Variants in SEC23B observed in about 807,000 individuals in gnomAD.
The protein encoded by SEC23B is protein transport protein Sec23B.
SEC23B carries 77 observed loss-of-function variants against 104.3 expected under a neutral mutation model. That is an observed-to-expected ratio of 0.74 (90% CI 0.61 to 0.89). SEC23B has a LOEUF of 0.89. Among genes scored for constraint, SEC23B ranks in the 40% least tolerant of loss-of-function variants. SEC23B has a pLI of 0.00. For synonymous variants in SEC23B, 338 were observed against 332.5 expected (o/e 1.02, Z -0.18); for missense variants, 885 against 949.4 (o/e 0.93, Z 0.89).
At chr20:18,542,908 G>A in intron 13 of SEC23B, 111 bp from the exon 14 acceptor site, 1 of 1,390,320 alleles carries the variant, frequency 7.2e-7, no homozygotes, top group Non-Finnish European at 1.0e-6. Context: ...CAAAGTGTTG[G>A]GATTTCAGGA....
chr20:18,515,823 C>G (rs1275271258), intron 4 of SEC23B, 87 bp downstream of exon 4: 1 of 880,796 alleles, frequency 1.1e-6, no homozygotes, highest in Non-Finnish European at 1.9e-6. Context: ...CTTACCTGGG[C>G]AGGGGACTTA....
chr20:18,515,100 A>AC (rs920255117), intron 3 of SEC23B, among the ~76,000 whole-genome samples: 9 of 152,052 alleles, frequency 5.9e-5, no homozygotes, highest in Non-Finnish European at 1.3e-4. Flanking sequence ...ATCACTTGAA[A>AC]CCAGGAGTTC....
intron 19 of SEC23B, among the ~76,000 whole-genome samples, chr20:18,556,324 G>A (rs1568626631): frequency 6.6e-6 from 1 of 152,186 alleles, no homozygotes; most frequent in African/African-American, 2.4e-5. Flanking sequence ...ACACCATTTT[G>A]TATTAGGGAC....
At chr20:18,529,444 T>G (rs1034536752) in intron 9 of SEC23B, among the ~76,000 whole-genome samples, 1 of 152,182 alleles carries the variant, frequency 6.6e-6, no homozygotes, top group Admixed American at 6.5e-5. Flanking sequence ...AGTGTTAGTA[T>G]TAGAGTTGTG....
At chr20:18,547,807 T>C (rs1350624516) in intron 15 of SEC23B, among the ~76,000 whole-genome samples, 1 of 152,166 alleles carries the variant, frequency 6.6e-6, no homozygotes, top group East Asian at 1.9e-4. Context: ...TGGGCCTGAC[T>C]TCTGAGAGCA....
chr20:18,528,574 C>T (rs183459589), intron 9 of SEC23B, among the ~76,000 whole-genome samples: 2 of 152,182 alleles, frequency 1.3e-5, no homozygotes, highest in Admixed American at 6.6e-5. Flanking sequence ...AACAACCCCA[C>T]AGGTGATGCT....
chr20:18,528,926 G>C (rs541799557), intron 9 of SEC23B, among the ~76,000 whole-genome samples: 1 of 152,332 alleles, frequency 6.6e-6, no homozygotes, highest in Admixed American at 6.5e-5. Flanking sequence ...GCAAAGGCAA[G>C]GTGATTCCAG....
intron 13 of SEC23B, among the ~76,000 whole-genome samples, chr20:18,542,814 T>C (rs2060300169): frequency 6.6e-6 from 1 of 152,124 alleles, no homozygotes; most frequent in Non-Finnish European, 1.5e-5. Context: ...TTTTTACTTT[T>C]ATGCAGAGAG....
intron 3 of SEC23B, among the ~76,000 whole-genome samples, chr20:18,513,626 G>A (rs1371762652): frequency 6.6e-6 from 1 of 152,204 alleles, no homozygotes; most frequent in South Asian, 2.1e-4. Context: ...TAAGTCTAGT[G>A]ATGAAGAGGA....
At chr20:18,556,725 C>T (rs1404172701) in intron 19 of SEC23B, among the ~76,000 whole-genome samples, 4 of 152,136 alleles carry the variant, frequency 2.6e-5, no homozygotes, top group African/African-American at 7.2e-5. Flanking sequence ...TGGCTGGGTG[C>T]GGTGGCTCAC....
intron 16 of SEC23B, among the ~76,000 whole-genome samples, chr20:18,550,811 C>A (rs1331011779): frequency 7.3e-6 from 1 of 137,244 alleles, no homozygotes; most frequent in African/African-American, 2.6e-5. Flanking sequence ...GGTAACAGAG[C>A]AACACCCTGA....
chr20:18,554,956 GTGCAGTAAAACAATTCTAATTAGATTAC>G, intron 18 of SEC23B, 124 bp from the exon 19 acceptor site: 15 of 90,272 alleles, frequency 1.7e-4, no homozygotes, highest in South Asian at 5.0e-4. Flanking sequence ...ATAGATTACT[GTGCAGTAAAACAATTCTAATTAGATTAC>G]TGTGCAGTAA....
intron 13 of SEC23B, 127 bp from the exon 14 acceptor site, chr20:18,542,892 C>T: frequency 8.4e-7 from 1 of 1,183,916 alleles, no homozygotes; most frequent in Non-Finnish European, 1.3e-6. Context: ...TGCCACCTTG[C>T]CCTCCCAAAG....
chr20:18,512,913 C>T lies in SEC23B; in HGVS notation c.279+631C>T, dbSNP rs554933957. On this transcript the variant is annotated intron_variant, in intron 3 of 19. Transcript: ENST00000650089. ...AAAAATACAAAAATTAGGCCGGGCG[C>T]GGTGACTTACGCCTATAATCTCAGC... 1.3e-4 allele frequency among the ~76,000 whole-genome samples: 19 copies of T among 151,918 alleles called. No homozygotes were observed. In the South Asian group the frequency reaches 4.0e-3, roughly 32 times the overall value.
chr20:18,516,914 T>C (rs925134247), intron 4 of SEC23B, among the ~76,000 whole-genome samples: 4 of 151,910 alleles, frequency 2.6e-5, no homozygotes, highest in South Asian at 4.1e-4. Flanking sequence ...ACTTTTTCTA[T>C]TTCTAAAAAA....
rs778992067 is a variant in SEC23B at position 18,561,301 on chromosome 20, A to C, written c.*561A>C. On this transcript the variant is annotated 3_prime_UTR_variant, in exon 20 of 20. Coordinates refer to ENST00000650089, the MANE Select transcript of SEC23B (RefSeq NM_006363.6). ...TCTATAAACTCAGACCTACTTTTTG[A>C]AGATAACTGCTTTTAACCTCTCCTT... The C allele has an allele frequency of 1.3e-5, 2 of 153,098 alleles. No homozygotes were observed. The highest frequency in any genetic ancestry group is 2.9e-5 in the Non-Finnish European group (2 of 68,672). 9.5% of individuals were successfully genotyped at this position (153,098 alleles called of 1,614,324 possible). A position where few individuals can be genotyped will look rare whatever the true frequency, so the allele number is the denominator to read the frequency against.
chr20:18,510,407 A>G (rs1192235862), intron 1 of SEC23B, among the ~76,000 whole-genome samples: 1 of 152,232 alleles, frequency 6.6e-6, no homozygotes, highest in Non-Finnish European at 1.5e-5. Context: ...ACTTTTGGGT[A>G]TCAGATGGAA....
chr20:18,541,730 T>C (rs897533871), intron 12 of SEC23B, among the ~76,000 whole-genome samples: 1 of 152,158 alleles, frequency 6.6e-6, no homozygotes, highest in Non-Finnish European at 1.5e-5. Context: ...AGATCACTGA[T>C]CACAGATCAC....
intron 15 of SEC23B, among the ~76,000 whole-genome samples, chr20:18,547,817 A>C (rs2060346816): frequency 6.6e-6 from 1 of 152,184 alleles, no homozygotes; most frequent in South Asian, 2.1e-4. Flanking sequence ...TTCTGAGAGC[A>C]GATATTCTGT....
Sources: gnomAD v4.1 joint callset for allele counts (sites outside exome capture counted in the v4.1 genomes callset) on GRCh38, gnomAD v4.1.1 for gene constraint, MANE v1.5 for transcripts, NCBI Gene and HGNC (gene_info 2026-07-23, HGNC 2026-07-21) for gene names.